Variants in TGIF1 observed in about 807,000 individuals in gnomAD.
The protein encoded by TGIF1 is homeobox protein TGIF1.
A neutral mutation model predicts 19.3 loss-of-function variants in TGIF1; 4 were observed. The observed-to-expected ratio is 0.21, with a 90% CI of 0.10 to 0.47. TGIF1 has a LOEUF of 0.47. Ranked by LOEUF, TGIF1 falls within the 20% of genes least tolerant of loss-of-function variation. The pLI is 0.98. For synonymous variants in TGIF1, 122 were observed against 129.3 expected (o/e 0.94, Z 0.38); for missense variants, 275 against 341.4 (o/e 0.81, Z 1.53).
chr18:3,433,596 G>T (rs1173310262), intron 2 of TGIF1, among the ~76,000 whole-genome samples: 5 of 152,284 alleles, frequency 3.3e-5, no homozygotes, highest in South Asian at 2.1e-4. Flanking sequence ...ATGTTAGAAT[G>T]AACTAGAATA....
At chr18:3,448,700 T>G, upstream of TGIF1, 3 of 827,084 alleles carry the variant, frequency 3.6e-6, no homozygotes, top group Non-Finnish European at 4.3e-6. Context: ...CTCCACGCAT[T>G]CTAGGGGCGG....
chr18:3,448,419 G>T (rs2082789992), upstream of TGIF1: 2 of 994,542 alleles, frequency 2.0e-6, no homozygotes, highest in South Asian at 4.4e-5. Flanking sequence ...TCCCGCACCG[G>T]GCGCAGCAGC....
rs1158520285 is a variant in TGIF1, at chr18:3,450,406, G to A, written c.-84G>A. The A allele has an allele frequency of 1.9e-6, 3 of 1,549,208 alleles. No individual in the cohort carries two copies. The highest frequency in any genetic ancestry group is 4.9e-5 in the East Asian group (2 of 40,884). ...AAGTTACGGGAGAGTCGGCTGTGAA[G>A]GAGACGTTCGCTTATCCCCTGTGTC... On this transcript the variant is annotated 5_prime_UTR_variant, in exon 1 of 3. Transcript: ENST00000343820.
chr18:3,426,554 C>T lies in TGIF1; in HGVS notation c.-45+8339C>T, dbSNP rs8083997. 4.0e-3 allele frequency among the ~76,000 whole-genome samples: 610 copies of T among 152,162 alleles called. 4 individuals are homozygous for T. The highest frequency in any genetic ancestry group is 0.014 in the African/African-American group (579 of 41,528). On this transcript the variant is annotated intron_variant, in intron 2 of 3. Coordinates refer to the TGIF1 transcript ENST00000401449. ...AGACTGGTGTTAGCTGTACAGATAACCTATGGGCCTAATATATGTCTGTCT... is the reference window on the plus strand; with the variant it reads ...AGACTGGTGTTAGCTGTACAGATAATCTATGGGCCTAATATATGTCTGTCT...
chr18:3,449,376 C>G (rs1304518707), upstream of TGIF1: 13 of 985,330 alleles, frequency 1.3e-5, no homozygotes, highest in African/African-American at 1.7e-5. Context: ...GTGAGGCAGG[C>G]GCGCGCCCGG....
At chr18:3,421,045 G>A (rs372583013) in intron 2 of TGIF1, among the ~76,000 whole-genome samples, 2 of 152,138 alleles carry the variant, frequency 1.3e-5, no homozygotes, top group East Asian at 3.9e-4. Flanking sequence ...GGTCCCATAA[G>A]ATTATAAGGG....
intron 1 of TGIF1, among the ~76,000 whole-genome samples, chr18:3,416,464 C>A (rs773083622): frequency 6.6e-6 from 1 of 151,892 alleles, no homozygotes; most frequent in Non-Finnish European, 1.5e-5. Flanking sequence ...TGCAGTGAGC[C>A]GAGATCACGC....
chr18:3,437,490 A>G (rs2082628772), intron 2 of TGIF1, among the ~76,000 whole-genome samples: 1 of 152,132 alleles, frequency 6.6e-6, no homozygotes, highest in Non-Finnish European at 1.5e-5. Context: ...AATGATTACC[A>G]TTTGCAAAAT....
At position 3,442,290 on chromosome 18, in the gene TGIF1, T is replaced by C. The variant is rs540933465; in HGVS notation, c.-44-14064T>C. ...CTCTAGAGCTTTGGGAAGAAGTAAC[T>C]GTGATAAATGGAAATGTGGATGAAT... On this transcript the variant is annotated intron_variant, in intron 2 of 3. Transcript: ENST00000401449. 7.9e-5 allele frequency among the ~76,000 whole-genome samples: 12 copies of C among 152,156 alleles called. No individual in the cohort carries two copies. In the East Asian group the frequency reaches 2.3e-3, roughly 29 times the overall value.
At chr18:3,421,639 C>A (rs1008711059) in intron 2 of TGIF1, among the ~76,000 whole-genome samples, 1 of 151,668 alleles carries the variant, frequency 6.6e-6, no homozygotes, top group Non-Finnish European at 1.5e-5. Flanking sequence ...CTCGAACTCC[C>A]GACCTCAGGT....
rs771210193 is a variant in TGIF1, at chr18:3,450,472, TGGGAG to T, written c.-12_-8del. 1 of 1,557,926 alleles carries T rather than the reference TGGGAG, an allele frequency of 6.4e-7. No homozygotes were observed. The highest frequency in any genetic ancestry group is 1.4e-5 in the African/African-American group (1 of 73,280). ...TCCAGACCCCCGCCTTGCCTCGCGC[TGGGAG>T]GGGAGATCCAGAATGAAAGGCAAGA... On this transcript the variant is annotated 5_prime_UTR_variant, in exon 1 of 3. Coordinates refer to ENST00000343820, the MANE Select transcript of TGIF1 (RefSeq NM_003244.4).
chr18:3,452,648 T>C (rs1444277352), intron 1 of TGIF1, among the ~76,000 whole-genome samples: 2 of 152,006 alleles, frequency 1.3e-5, no homozygotes. Context: ...AGCTACTTGC[T>C]TTTCCTCCTT....
chr18:3,415,208 A>G (rs547314165), intron 1 of TGIF1: 1 of 228,440 alleles, frequency 4.4e-6, no homozygotes, highest in South Asian at 6.0e-5. Flanking sequence ...GTGGCTCAAG[A>G]GCCAGGCCCG....
At chr18:3,437,666 T>C (rs1355993490) in intron 2 of TGIF1, among the ~76,000 whole-genome samples, 2 of 152,240 alleles carry the variant, frequency 1.3e-5, no homozygotes, top group East Asian at 1.9e-4. Flanking sequence ...CTTGTATTTC[T>C]GGCTGGGGGT....
intron 2 of TGIF1, among the ~76,000 whole-genome samples, chr18:3,419,133 G>T (rs1461666235): frequency 6.6e-6 from 1 of 152,090 alleles, no homozygotes; most frequent in Non-Finnish European, 1.5e-5. Flanking sequence ...TAAATAAAAA[G>T]ATTAGGACAA....
intron 1 of TGIF1, chr18:3,453,867 C>CA (rs1340529783): frequency 1.6e-5 from 16 of 983,768 alleles, no homozygotes; most frequent in Non-Finnish European, 1.9e-5. Flanking sequence ...GTAAGCAAAG[C>CA]AAGACGTTTG....
intron 1 of TGIF1, 89 bp downstream of exon 1, chr18:3,450,594 A>C: frequency 6.5e-6 from 10 of 1,547,034 alleles, no homozygotes; most frequent in Non-Finnish European, 7.9e-6. Flanking sequence ...CACTTGGTGG[A>C]CTTTTCCGCC....
chr18:3,420,064 T>C (rs1303064507), intron 2 of TGIF1, among the ~76,000 whole-genome samples: 1 of 151,622 alleles, frequency 6.6e-6, no homozygotes, highest in African/African-American at 2.4e-5. Context: ...GGGTTTGTAA[T>C]CATGTAAATG....
intron 2 of TGIF1, among the ~76,000 whole-genome samples, chr18:3,419,494 T>C (rs1186891381): frequency 6.6e-6 from 1 of 152,234 alleles, no homozygotes; most frequent in African/African-American, 2.4e-5. Flanking sequence ...TATTTTTGTG[T>C]GTTTGTTGGT....
Sources: gnomAD v4.1 joint callset for allele counts (sites outside exome capture counted in the v4.1 genomes callset) on GRCh38, gnomAD v4.1.1 for gene constraint, MANE v1.5 for transcripts, NCBI Gene and HGNC (gene_info 2026-07-23, HGNC 2026-07-21) for gene names.